The following PTBP2 variants were observed in gnomAD, a reference collection of about 807,000 sequenced individuals.
PTBP2 encodes the protein polypyrimidine tract-binding protein 2.
Under a neutral mutation model 61.4 loss-of-function variants are expected in PTBP2, and 13 were observed. The ratio of observed to expected loss-of-function variants is 0.21; its 90% CI spans 0.14 to 0.34. The LOEUF is 0.34. PTBP2 is among the 10% of genes least tolerant of loss of function. PTBP2 has a pLI of 1.00. For synonymous variants in PTBP2, 215 were observed against 218.5 expected, an observed-to-expected ratio of 0.98 and a Z score of 0.14; for missense variants, 405 against 642.6, an observed-to-expected ratio of 0.63 and a Z score of 4.00.
intron 7 of PTBP2, among the ~76,000 whole-genome samples, chr1:96,778,752 T>G (rs1460670477): frequency 1.3e-5 from 2 of 152,114 alleles, no homozygotes; most frequent in Non-Finnish European, 2.9e-5. Flanking sequence ...TACTTTCAGA[T>G]TAATTATTGT....
intron 3 of PTBP2, among the ~76,000 whole-genome samples, chr1:96,762,395 GC>G (rs933498084): frequency 6.1e-5 from 9 of 146,624 alleles, no homozygotes; most frequent in African/African-American, 2.3e-4. Flanking sequence ...CGGGCGGGGG[GC>G]TGACCCCCCC....
At chr1:96,816,198 C>T (rs2101297818), downstream of PTBP2, 1 of 152,230 alleles carries the variant, frequency 6.6e-6, no homozygotes, top group African/African-American at 2.4e-5. Context: ...TACAGTATGC[C>T]CTAATACGGC....
chr1:96,770,340 T>C (rs1657237171), intron 4 of PTBP2, among the ~76,000 whole-genome samples: 1 of 152,094 alleles, frequency 6.6e-6, no homozygotes, highest in African/African-American at 2.4e-5. Flanking sequence ...TTGTTCTTTG[T>C]CTCTATATAA....
intron 5 of PTBP2, among the ~76,000 whole-genome samples, chr1:96,775,488 G>T (rs908417597): frequency 6.6e-6 from 1 of 152,144 alleles, no homozygotes; most frequent in African/African-American, 2.4e-5. Context: ...CAAAACATGG[G>T]TAGTGTACAT....
intron 4 of PTBP2, among the ~76,000 whole-genome samples, chr1:96,770,405 T>C (rs1008528962): frequency 1.3e-5 from 2 of 152,042 alleles, no homozygotes; most frequent in African/African-American, 4.8e-5. Context: ...GTAGAAGTGG[T>C]AAAATTCTGA....
chr1:96,737,210 C>T (rs1185800715), intron 2 of PTBP2, among the ~76,000 whole-genome samples: 1 of 152,108 alleles, frequency 6.6e-6, no homozygotes, highest in Admixed American at 6.5e-5. Context: ...TCCTGATCTG[C>T]CCACCCTGGC....
At chr1:96,748,623 G>A (rs2100897518) in intron 2 of PTBP2, among the ~76,000 whole-genome samples, 1 of 152,156 alleles carries the variant, frequency 6.6e-6, no homozygotes, top group South Asian at 2.1e-4. Flanking sequence ...TCTTTTAGTT[G>A]AATCTAAAAT....
chr1:96,726,843 A>G (rs1264307548), intron 2 of PTBP2, among the ~76,000 whole-genome samples: 2 of 152,130 alleles, frequency 1.3e-5, no homozygotes, highest in African/African-American at 2.4e-5. Flanking sequence ...TTGACTTCCC[A>G]AAGTGTTGGG....
intron 8 of PTBP2, among the ~76,000 whole-genome samples, chr1:96,788,408 T>C (rs1437974335): frequency 6.6e-6 from 1 of 152,100 alleles, no homozygotes; most frequent in Non-Finnish European, 1.5e-5. Context: ...GTTTGGTGAA[T>C]ATTTTGATCT....
chr1:96,775,341 A>G (rs980435363), intron 5 of PTBP2, among the ~76,000 whole-genome samples: 11 of 152,238 alleles, frequency 7.2e-5, no homozygotes, highest in Admixed American at 2.0e-4. Context: ...TGTACAAGAA[A>G]GTTCATGGAA....
At chr1:96,730,050 T>A (rs913310164) in intron 2 of PTBP2, among the ~76,000 whole-genome samples, 1 of 152,214 alleles carries the variant, frequency 6.6e-6, no homozygotes, top group Non-Finnish European at 1.5e-5. Flanking sequence ...TTTACACTTT[T>A]GGTATCTGTT....
In PTBP2 at chr1:96,778,209, CT is replaced by C. The variant is rs373334914; in HGVS notation, c.708+265del. Reference sequence around the variant, plus strand: ...TAATTTAAGGACAAAAGTTTGTACTCTTAAGAAAAAAGCAGGACTATATTGT... The same window carrying C: ...TAATTTAAGGACAAAAGTTTGTACTCTAAGAAAAAAGCAGGACTATATTGT... On this transcript the variant is annotated intron_variant, in intron 7 of 13. Coordinates refer to ENST00000674951, the MANE Select transcript of PTBP2 (RefSeq NM_021190.4). Among the ~76,000 whole-genome samples the C allele has an allele frequency of 2.0e-3, 268 of 133,878 alleles. 1 individual carries two copies. The highest frequency in any genetic ancestry group is 7.1e-3 in the African/African-American group (253 of 35,858). The allele number at this position is 133,878 out of a possible 152,430, so 87.8% of individuals were successfully genotyped here.
intron 5 of PTBP2, among the ~76,000 whole-genome samples, chr1:96,773,335 T>G (rs1657612058): frequency 6.6e-6 from 1 of 152,148 alleles, no homozygotes; most frequent in Non-Finnish European, 1.5e-5. Flanking sequence ...TTTTATAATT[T>G]TATTTTTCAT....
At chr1:96,784,082 T>C (rs1337887708) in intron 7 of PTBP2, among the ~76,000 whole-genome samples, 2 of 152,098 alleles carry the variant, frequency 1.3e-5, no homozygotes, top group African/African-American at 2.4e-5. Flanking sequence ...ACTGTAGAGG[T>C]TTACTTTTTC....
intron 8 of PTBP2, among the ~76,000 whole-genome samples, chr1:96,794,432 A>G (rs1660162092): frequency 6.6e-6 from 1 of 152,222 alleles, no homozygotes. Flanking sequence ...GTTTGTGACC[A>G]AAGTATAAAA....
chr1:96,754,571 A>G (rs1361316021), intron 3 of PTBP2, among the ~76,000 whole-genome samples: 1 of 152,216 alleles, frequency 6.6e-6, no homozygotes, highest in Non-Finnish European at 1.5e-5. Flanking sequence ...AAGCCAATAG[A>G]GGAAAAATTG....
chr1:96,731,661 G>T (rs1256304737), intron 2 of PTBP2, among the ~76,000 whole-genome samples: 3 of 152,038 alleles, frequency 2.0e-5, no homozygotes. Flanking sequence ...GGATACAAAT[G>T]AAATCTCATT....
intron 2 of PTBP2, among the ~76,000 whole-genome samples, chr1:96,732,574 A>AT (rs1247038357): frequency 6.6e-6 from 1 of 152,240 alleles, no homozygotes; most frequent in African/African-American, 2.4e-5. Context: ...CTAATGAGCC[A>AT]TTTATCAATA....
At chr1:96,791,564 T>G (rs531894906) in intron 8 of PTBP2, among the ~76,000 whole-genome samples, 1 of 152,240 alleles carries the variant, frequency 6.6e-6, no homozygotes, top group South Asian at 2.1e-4. Context: ...AAGTAGACTT[T>G]TCTAAAACGA....
Sources: allele counts gnomAD v4.1 joint callset (sites outside exome capture counted in the v4.1 genomes callset), GRCh38; gene constraint gnomAD v4.1.1; transcripts MANE v1.5; gene names NCBI Gene and HGNC (gene_info 2026-07-23, HGNC 2026-07-21).